POGZ: variants seen among roughly 807,000 people sequenced by gnomAD.
The protein encoded by POGZ is pogo transposable element with ZNF domain.
Under a neutral mutation model 134.6 loss-of-function variants are expected in POGZ, and 17 were observed. That is an observed-to-expected ratio of 0.13 (90% CI 0.09 to 0.19). The LOEUF is 0.19. Among genes scored for constraint, POGZ ranks in the 10% least tolerant of loss-of-function variants. The pLI is 1.00. For missense variants in POGZ, 1,306 were observed against 1,769.7 expected (o/e 0.74, Z 4.70); for synonymous variants, 693 against 657.1 (o/e 1.05, Z -0.84).
chr1:151,411,722 C>A lies in POGZ; in HGVS notation c.1829G>T (p.Arg610Leu). Residue 610 changes from arginine to leucine, a missense_variant, in exon 12 of 19, where the codon CGG becomes CTG. Transcript: ENST00000271715. ...ATGCCGGGTATCCTCATGGATCATC[C>A]GAAAATGGACATCTACCTCAGAGTA... ...SLYSEVDVHF[R>L]MIHEDTRHLL... 6.2e-7 allele frequency: 1 copy of A among 1,613,152 alleles called. No homozygotes were observed. The highest frequency in any genetic ancestry group is 8.5e-7 in the Non-Finnish European group (1 of 1,179,540).
At chr1:151,409,220 T>A (rs1654209865) in intron 12 of POGZ, among the ~76,000 whole-genome samples, 1 of 151,908 alleles carries the variant, frequency 6.6e-6, no homozygotes, top group Non-Finnish European at 1.5e-5. Context: ...ACTAAAGTCA[T>A]ACTTTTTTTT....
intron 10 of POGZ, among the ~76,000 whole-genome samples, chr1:151,422,433 G>A (rs1380162200): frequency 5.3e-5 from 8 of 152,144 alleles, no homozygotes. Flanking sequence ...CCCCAGTAGA[G>A]GTGTATTTAG....
chr1:151,403,635 CA>C lies in POGZ; in HGVS notation c.*1166del. On this transcript the variant is annotated 3_prime_UTR_variant, in exon 19 of 19. Coordinates refer to ENST00000271715, the MANE Select transcript of POGZ (RefSeq NM_015100.4). ...GGCAGTGAAAAATAAAGATTCATGT[CA>C]TTTTCTTTGTGCACACCCCTGTGCG... The C allele has an allele frequency of 1.0e-6, 1 of 985,704 alleles. No individual in the cohort carries two copies. The highest frequency in any genetic ancestry group is 1.1e-4 in the East Asian group (1 of 8,818). The allele number at this position is 985,704 out of a possible 1,614,324, so 61.1% of individuals were successfully genotyped here.
rs114377548 is a variant in POGZ, at chr1:151,416,275, G to C, written c.1679-3879C>G. The stretch of plus-strand genomic sequence containing the variant: ...AGAAAAAAAAAAAGACTATGAATCA[G>C]ACAGAGTGCGGTGGCTCACGCCTGT... On this transcript the variant is annotated intron_variant, in intron 10 of 18. Coordinates refer to ENST00000271715, the MANE Select transcript of POGZ (RefSeq NM_015100.4). 9.5e-3 allele frequency among the ~76,000 whole-genome samples: 1,279 copies of C among 134,102 alleles called. 19 individuals carry two copies. The highest frequency in any genetic ancestry group is 0.034 in the African/African-American group (1,220 of 35,626). 88.0% of individuals were successfully genotyped at this position (134,102 alleles called of 152,430 possible).
Position 151,404,793 on chromosome 1 carries a change from C to T in POGZ, c.*9G>A, listed in dbSNP as rs1262321744. 1 of 1,590,222 alleles carries T rather than the reference C, an allele frequency of 6.3e-7. No individual in the cohort carries two copies. The highest frequency in any genetic ancestry group is 8.6e-7 in the Non-Finnish European group (1 of 1,167,296). On this transcript the variant is annotated 3_prime_UTR_variant, in exon 19 of 19. Coordinates refer to ENST00000271715, the MANE Select transcript of POGZ (RefSeq NM_015100.4). ...ACCCTCACTCCACACCCCCTCATGA[C>T]CCCAACACTCAAATCTCCATCAGAT...
At chr1:151,428,467 C>A in intron 5 of POGZ, 54 bp from the exon 6 acceptor site, 1 of 1,458,856 alleles carries the variant, frequency 6.9e-7, no homozygotes, top group South Asian at 1.2e-5. Flanking sequence ...ACCTATAACA[C>A]ATTCTCCCTG....
intron 4 of POGZ, among the ~76,000 whole-genome samples, chr1:151,430,421 T>G (rs1472157054): frequency 6.6e-6 from 1 of 152,214 alleles, no homozygotes; most frequent in Non-Finnish European, 1.5e-5. Flanking sequence ...TCCCACTATT[T>G]CTGCCTAGAC....
chr1:151,403,684 CTAAGTAT>C lies in POGZ; in HGVS notation c.*1111_*1117del. On this transcript the variant is annotated 3_prime_UTR_variant, in exon 19 of 19. Coordinates refer to ENST00000271715, the MANE Select transcript of POGZ (RefSeq NM_015100.4). ...GCGCTTCTTCCTGTCAGATTCTTCC[CTAAGTAT>C]TAAGAGAAATAGGGGAAAGCCACAG... 7.1e-6 allele frequency: 7 copies of C among 985,826 alleles called. No individual in the cohort carries two copies. The highest frequency in any genetic ancestry group is 8.4e-6 in the Non-Finnish European group (7 of 829,914). The allele number at this position is 985,826 out of a possible 1,614,324, so 61.1% of individuals were successfully genotyped here. A position where few individuals can be genotyped will look rare whatever the true frequency, so the allele number is the denominator to read the frequency against.
chr1:151,447,195 G>A (rs1482640781), intron 1 of POGZ, among the ~76,000 whole-genome samples: 3 of 151,980 alleles, frequency 2.0e-5, no homozygotes, highest in Non-Finnish European at 4.4e-5. Context: ...AGACCAGCCT[G>A]GCCAACACGG....
chr1:151,450,841 TAAAA>T (rs1571583283), intron 1 of POGZ: 2 of 152,050 alleles, frequency 1.3e-5, no homozygotes, highest in East Asian at 3.8e-4. Context: ...TGGTTGAACT[TAAAA>T]GTTACAGTAG....
At position 151,403,405 on chromosome 1, in the gene POGZ, GACGA is replaced by G. The variant is rs1207519802; in HGVS notation, c.*1393_*1396del. On this transcript the variant is annotated 3_prime_UTR_variant, in exon 19 of 19. Coordinates refer to ENST00000271715, the MANE Select transcript of POGZ (RefSeq NM_015100.4). ...ATGTTCCACTTATGTACATTTTAAA[GACGA>G]ACCATTTACAAGCTTGTGCAGTTTG... 1 of 985,184 alleles carries G rather than the reference GACGA, an allele frequency of 1.0e-6. No homozygotes were observed. The highest frequency in any genetic ancestry group is 1.2e-6 in the Non-Finnish European group (1 of 829,488). The allele number at this position is 985,184 out of a possible 1,614,324, so 61.0% of individuals were successfully genotyped here.
intron 7 of POGZ, 122 bp from the exon 8 acceptor site, chr1:151,425,183 G>C: frequency 1.6e-6 from 1 of 607,472 alleles, no homozygotes; most frequent in Non-Finnish European, 3.1e-6. Flanking sequence ...AAGCATGAGA[G>C]ATCACTATGG....
intron 2 of POGZ, 66 bp from the exon 3 acceptor site, chr1:151,441,152 A>C (rs1291396203): frequency 2.3e-6 from 3 of 1,315,010 alleles, no homozygotes; most frequent in Admixed American, 2.3e-5. Flanking sequence ...ATACTGCTCT[A>C]ATCTTCCCTT....
chr1:151,412,012 A>C (rs1443726490), intron 11 of POGZ, among the ~76,000 whole-genome samples: 1 of 152,210 alleles, frequency 6.6e-6, no homozygotes, highest in Non-Finnish European at 1.5e-5. Flanking sequence ...TAACTAAGAA[A>C]AATAAAGCCT....
chr1:151,448,002 T>C (rs1661517539), intron 1 of POGZ, among the ~76,000 whole-genome samples: 1 of 152,118 alleles, frequency 6.6e-6, no homozygotes, highest in South Asian at 2.1e-4. Flanking sequence ...GGAATGATAC[T>C]GGTGGGGAAT....
At chr1:151,418,041 C>G (rs1196139395) in intron 10 of POGZ, among the ~76,000 whole-genome samples, 1 of 151,844 alleles carries the variant, frequency 6.6e-6, no homozygotes, top group Non-Finnish European at 1.5e-5. Context: ...GGTAAAACCC[C>G]GTCTCCACTA....
intron 10 of POGZ, among the ~76,000 whole-genome samples, chr1:151,420,839 GAAT>G (rs1162042017): frequency 6.6e-6 from 1 of 151,890 alleles, no homozygotes; most frequent in African/African-American, 2.4e-5. Context: ...TTAATATACT[GAAT>G]AAAATATGCT....
intron 3 of POGZ, among the ~76,000 whole-genome samples, chr1:151,439,354 C>A (rs1660146462): frequency 6.6e-6 from 1 of 152,126 alleles, no homozygotes; most frequent in South Asian, 2.1e-4. Flanking sequence ...CCCATAAAAT[C>A]ATCATATTTT....
intron 1 of POGZ, among the ~76,000 whole-genome samples, chr1:151,449,304 G>C (rs971178882): frequency 3.9e-5 from 6 of 152,198 alleles, no homozygotes; most frequent in Non-Finnish European, 2.9e-5. Flanking sequence ...AATTTTATCA[G>C]AGGTCACGTT....
Sources: gnomAD v4.1 joint callset for allele counts (sites outside exome capture counted in the v4.1 genomes callset) on GRCh38, gnomAD v4.1.1 for gene constraint, MANE v1.5 for transcripts, NCBI Gene and HGNC (gene_info 2026-07-23, HGNC 2026-07-21) for gene names.